The following OVCH1 variants were observed in gnomAD, a reference collection of about 807,000 sequenced individuals.
The protein encoded by OVCH1 is ovochymase 1.
A neutral mutation model predicts 138.4 loss-of-function variants in OVCH1; 139 were observed. The ratio of observed to expected loss-of-function variants is 1.00; its 90% CI spans 0.87 to 1.16. The LOEUF (loss-of-function observed/expected upper bound fraction) is 1.16. Ranked by LOEUF, OVCH1 falls within the 50% of genes most tolerant of loss-of-function variation. The pLI, the probability that OVCH1 is intolerant of heterozygous loss-of-function variation, is 0.00. For missense variants in OVCH1, 1,367 were observed against 1,357.9 expected, an observed-to-expected ratio of 1.01 and a Z score of -0.11; for synonymous variants, 453 against 467.8, an observed-to-expected ratio of 0.97 and a Z score of 0.41.
intron 25 of OVCH1, among the ~76,000 whole-genome samples, chr12:29,441,329 A>C (rs1000401355): frequency 2.0e-5 from 3 of 152,174 alleles, no homozygotes; most frequent in African/African-American, 7.2e-5. Flanking sequence ...ATCTACAACT[A>C]TCTGATCTTT....
intron 8 of OVCH1, among the ~76,000 whole-genome samples, chr12:29,484,338 G>A (rs553396180): frequency 1.2e-4 from 18 of 152,050 alleles, no homozygotes; most frequent in Non-Finnish European, 2.5e-4. Flanking sequence ...ATTACCAGAC[G>A]CTGTTAGTAT....
At chr12:29,417,803 G>T (rs935519742) in intron 3 of OVCH1, among the ~76,000 whole-genome samples, 1 of 150,538 alleles carries the variant, frequency 6.6e-6, no homozygotes, top group Non-Finnish European at 1.5e-5. Flanking sequence ...GTCTGTGTCT[G>T]TGTGTGTTTT....
At chr12:29,405,970 T>A in the OVCH1 span, among the ~76,000 whole-genome samples, 1 of 152,212 alleles carries the variant, frequency 6.6e-6, no homozygotes, top group African/African-American at 2.4e-5. Flanking sequence ...AACTCATGGG[T>A]TGACCTTCAC....
chr12:29,452,754 A>G (rs1207336561), intron 21 of OVCH1, among the ~76,000 whole-genome samples: 1 of 152,194 alleles, frequency 6.6e-6, no homozygotes, highest in Non-Finnish European at 1.5e-5. Context: ...TATAAATGGG[A>G]GTAACAATTG....
At chr12:29,477,405 A>T (rs759571410) in exon 11 of OVCH1, 39 of 1,613,878 alleles carry the variant, frequency 2.4e-5, no homozygotes, top group Non-Finnish European at 2.9e-5. Flanking sequence ...CTTCTGTATC[A>T]GAAACAAATG....
At chr12:29,452,083 A>G (rs1941811776) in intron 21 of OVCH1, among the ~76,000 whole-genome samples, 1 of 152,162 alleles carries the variant, frequency 6.6e-6, no homozygotes, top group South Asian at 2.1e-4. Context: ...TTTGGGTGCC[A>G]GTTTTTCCAT....
intron 3 of OVCH1, among the ~76,000 whole-genome samples, chr12:29,419,333 G>A (rs544280632): frequency 6.6e-6 from 1 of 151,632 alleles, no homozygotes; most frequent in African/African-American, 2.4e-5. Flanking sequence ...TGTCACCCAG[G>A]CTGGAGTGCA....
chr12:29,438,574 C>A (rs1941408081), intron 26 of OVCH1, among the ~76,000 whole-genome samples: 1 of 152,014 alleles, frequency 6.6e-6, no homozygotes, highest in Non-Finnish European at 1.5e-5. Context: ...GTACTTTTAT[C>A]TATGCAAATC....
chr12:29,479,514 C>A (rs948262941), intron 8 of OVCH1, among the ~76,000 whole-genome samples: 1 of 152,136 alleles, frequency 6.6e-6, no homozygotes, highest in African/African-American at 2.4e-5. Context: ...GACACATAAT[C>A]CCTTACCTTC....
chr12:29,425,669 T>C (rs892559020), downstream of OVCH1, among the ~76,000 whole-genome samples: 3 of 152,220 alleles, frequency 2.0e-5, no homozygotes, highest in African/African-American at 4.8e-5. Context: ...ATGAAGATAA[T>C]GTAACCTACC....
intron 8 of OVCH1, among the ~76,000 whole-genome samples, chr12:29,482,924 G>T (rs917414599): frequency 1.3e-5 from 2 of 152,126 alleles, no homozygotes; most frequent in Non-Finnish European, 2.9e-5. Context: ...ACTTCCTGAA[G>T]CAGGCTAGTT....
chr12:29,432,278 A>G (rs1020002589), intron 27 of OVCH1, among the ~76,000 whole-genome samples: 3 of 152,224 alleles, frequency 2.0e-5, no homozygotes, highest in Non-Finnish European at 4.4e-5. Flanking sequence ...CACTTTGGCT[A>G]TTACACATAA....
At chr12:29,491,239 T>A in intron 4 of OVCH1, 47 bp from the exon 5 acceptor site, 11 of 1,415,492 alleles carry the variant, frequency 7.8e-6, no homozygotes, top group African/African-American at 1.4e-5. Flanking sequence ...ATACGCCATG[T>A]TGAATATATT....
intron 25 of OVCH1, chr12:29,440,651 C>A (rs1316733342): frequency 2.2e-6 from 1 of 449,582 alleles, no homozygotes; most frequent in East Asian, 7.0e-5. Flanking sequence ...ACATCATTTT[C>A]ATAGATACTG....
At chr12:29,436,764 T>TG (rs1390493216) in intron 26 of OVCH1, among the ~76,000 whole-genome samples, 2 of 152,126 alleles carry the variant, frequency 1.3e-5, no homozygotes, top group African/African-American at 4.8e-5. Context: ...TTCCTCCGGG[T>TG]GGGTTTGTGG....
At chr12:29,454,897 G>A (rs769507932) in exon 21 of OVCH1, 4 of 1,612,704 alleles carry the variant, frequency 2.5e-6, no homozygotes, top group Non-Finnish European at 2.5e-6. Flanking sequence ...TTGTTTTAAG[G>A]TTTTGCATTT....
At chr12:29,447,509 A>G (rs1941650941) in intron 22 of OVCH1, among the ~76,000 whole-genome samples, 1 of 152,166 alleles carries the variant, frequency 6.6e-6, no homozygotes, top group Non-Finnish European at 1.5e-5. Flanking sequence ...GAAAAAGAAA[A>G]CGGTCCGAGT....
chr12:29,490,995 A>T (rs1163421751), intron 5 of OVCH1, 102 bp downstream of exon 5: 4 of 921,196 alleles, frequency 4.3e-6, no homozygotes, highest in Admixed American at 2.5e-5. Context: ...ATTAGTTATA[A>T]AAAATGATAA....
exon 20 of OVCH1, chr12:29,455,399 A>C: frequency 1.2e-6 from 2 of 1,602,880 alleles, no homozygotes; most frequent in Non-Finnish European, 8.5e-7. Context: ...GGCCCACCAG[A>C]GTCTCCCTGA....
Sources: allele counts gnomAD v4.1 joint callset (sites outside exome capture counted in the v4.1 genomes callset), GRCh38; gene constraint gnomAD v4.1.1; transcripts MANE v1.5; gene names NCBI Gene and HGNC (gene_info 2026-07-23, HGNC 2026-07-21).